The following FBXO4 variants were observed in gnomAD, a reference collection of about 807,000 sequenced individuals.
FBXO4 encodes F-box protein 4, also known as F-box only protein 4.
In FBXO4, 36 loss-of-function variants were observed where a neutral mutation model predicts 43.7. The ratio of observed to expected loss-of-function variants is 0.82; its 90% confidence interval spans 0.63 to 1.09. FBXO4 has a LOEUF of 1.09. FBXO4 is among the 50% of genes least tolerant of loss of function. The pLI is 0.00. For synonymous variants in FBXO4, 180 were observed against 165.6 expected (o/e 1.09, Z -0.67); for missense variants, 435 against 474.1 (o/e 0.92, Z 0.77).
the FBXO4 span, among the ~76,000 whole-genome samples, chr5:42,035,901 G>T: frequency 6.6e-6 from 1 of 151,904 alleles, no homozygotes; most frequent in African/African-American, 2.4e-5. Context: ...ACTGAAACTT[G>T]CCTTTAAAAA....
chr5:41,974,427 T>A, the FBXO4 span, among the ~76,000 whole-genome samples: 724 of 152,306 alleles, frequency 4.8e-3, 3 homozygotes, highest in African/African-American at 0.013. Flanking sequence ...TTGTTTGGGT[T>A]TTTTTGGATG....
At chr5:41,992,581 A>G in the FBXO4 span, among the ~76,000 whole-genome samples, 1 of 152,182 alleles carries the variant, frequency 6.6e-6, no homozygotes, top group South Asian at 2.1e-4. Flanking sequence ...GGGGACAGCA[A>G]TGGTCTCTAG....
At chr5:41,978,980 G>T in the FBXO4 span, among the ~76,000 whole-genome samples, 5 of 150,332 alleles carry the variant, frequency 3.3e-5, no homozygotes, top group Non-Finnish European at 5.9e-5. Context: ...AGCAATTTTT[G>T]TTTTTTTTTG....
At chr5:41,982,430 A>G in the FBXO4 span, among the ~76,000 whole-genome samples, 2 of 152,248 alleles carry the variant, frequency 1.3e-5, no homozygotes, top group Admixed American at 6.5e-5. Flanking sequence ...TGACTTTTTA[A>G]TGATCGCCAT....
chr5:41,941,819 T>C (rs1431741636), downstream of FBXO4: 1 of 152,478 alleles, frequency 6.6e-6, no homozygotes, highest in East Asian at 1.9e-4. Flanking sequence ...CAAGCTTATA[T>C]CATATTTAAT....
the FBXO4 span, among the ~76,000 whole-genome samples, chr5:41,995,281 G>A: frequency 1.2e-3 from 185 of 152,316 alleles, no homozygotes; most frequent in South Asian, 7.9e-3. Flanking sequence ...TTGAATGCAG[G>A]ATAGGCAAAC....
At chr5:41,953,437 A>T in the FBXO4 span, among the ~76,000 whole-genome samples, 4 of 152,346 alleles carry the variant, frequency 2.6e-5, no homozygotes, top group South Asian at 8.3e-4. Context: ...TGCTATTGTG[A>T]ATAGTGCCAC....
the FBXO4 span, among the ~76,000 whole-genome samples, chr5:41,993,737 A>T: frequency 1.3e-5 from 2 of 151,934 alleles, no homozygotes; most frequent in African/African-American, 4.8e-5. Context: ...CAAGCTGAGG[A>T]GCAAGGAGAG....
chr5:42,029,639 T>A, the FBXO4 span, among the ~76,000 whole-genome samples: 1,237 of 152,084 alleles, frequency 8.1e-3, 12 homozygotes, highest in African/African-American at 0.027. Flanking sequence ...TTATTTATTT[T>A]TTTATTTTTT....
At chr5:41,958,376 G>A in the FBXO4 span, among the ~76,000 whole-genome samples, 2 of 152,124 alleles carry the variant, frequency 1.3e-5, no homozygotes, top group African/African-American at 4.8e-5. Context: ...CCTCGTGATC[G>A]CCCACCTTGT....
the FBXO4 span, among the ~76,000 whole-genome samples, chr5:41,976,519 A>G: frequency 1.3e-5 from 2 of 152,248 alleles, no homozygotes; most frequent in Admixed American, 6.5e-5. Context: ...AATAGGCCCC[A>G]TGCAAGTCTG....
the FBXO4 span, among the ~76,000 whole-genome samples, chr5:42,037,320 G>A: frequency 1.4e-4 from 21 of 151,906 alleles, no homozygotes; most frequent in African/African-American, 3.9e-4. Flanking sequence ...AGCACTCCCC[G>A]TCCCCCACCT....
chr5:41,937,417 A>T (rs1441172009), intron 5 of FBXO4, among the ~76,000 whole-genome samples: 1 of 152,154 alleles, frequency 6.6e-6, no homozygotes, highest in Non-Finnish European at 1.5e-5. Context: ...TAGCAAAAAT[A>T]TTTTTTTGAA....
intron 5 of FBXO4, chr5:41,934,790 A>G (rs1751807041): frequency 1.0e-6 from 1 of 1,001,946 alleles, no homozygotes; most frequent in Admixed American, 5.2e-5. Flanking sequence ...TGTTAAGTAG[A>G]TTAGTTGAGA....
chr5:42,030,073 C>T, the FBXO4 span, among the ~76,000 whole-genome samples: 1 of 152,040 alleles, frequency 6.6e-6, no homozygotes, highest in African/African-American at 2.4e-5. Flanking sequence ...ATCAAGCTGC[C>T]AATGACTTTC....
chr5:41,986,523 A>G, the FBXO4 span, among the ~76,000 whole-genome samples: 1 of 152,142 alleles, frequency 6.6e-6, no homozygotes, highest in Non-Finnish European at 1.5e-5. Flanking sequence ...ACATAATTGA[A>G]TTTCAATGAG....
At chr5:41,978,331 A>T in the FBXO4 span, among the ~76,000 whole-genome samples, 1 of 152,222 alleles carries the variant, frequency 6.6e-6, no homozygotes, top group African/African-American at 2.4e-5. Flanking sequence ...ATATTTCAAC[A>T]TGAGGTTTGG....
chr5:42,024,425 G>A, the FBXO4 span, among the ~76,000 whole-genome samples: 1 of 151,272 alleles, frequency 6.6e-6, no homozygotes, highest in Non-Finnish European at 1.5e-5. Flanking sequence ...TTTAATTTTT[G>A]TGGGTACCTA....
the FBXO4 span, among the ~76,000 whole-genome samples, chr5:42,008,897 G>T: frequency 0.78 from 118,078 of 151,904 alleles, 46,325 homozygotes; most frequent in African/African-American, 0.81. Context: ...CAGGCAAGGG[G>T]TTTCATTCCT....
Sources: allele counts gnomAD v4.1 joint callset (sites outside exome capture counted in the v4.1 genomes callset), GRCh38; gene constraint gnomAD v4.1.1; transcripts MANE v1.5; gene names NCBI Gene and HGNC (gene_info 2026-07-23, HGNC 2026-07-21).